The following DNER variants were observed in gnomAD, a reference collection of about 807,000 sequenced individuals.
The protein encoded by DNER is delta/notch like EGF repeat containing.
In DNER, 33 loss-of-function variants were observed where a neutral mutation model predicts 78.2. That is an observed-to-expected ratio of 0.42 (90% CI 0.32 to 0.56). The LOEUF is 0.56. DNER is among the 20% of genes least tolerant of loss of function. DNER has a pLI of 0.11. For missense variants in DNER, 918 were observed against 975.3 expected (o/e 0.94, Z 0.78); for synonymous variants, 417 against 384.8 (o/e 1.08, Z -0.98).
intron 7 of DNER, among the ~76,000 whole-genome samples, chr2:229,453,938 A>G (rs886433976): frequency 1.3e-5 from 2 of 150,564 alleles, no homozygotes; most frequent in Non-Finnish European, 3.0e-5. Context: ...AAAAAAAAAA[A>G]AAAAGAAAGA....
chr2:229,433,159 C>T (rs984721805), intron 8 of DNER, among the ~76,000 whole-genome samples: 8 of 152,136 alleles, frequency 5.3e-5, no homozygotes, highest in Admixed American at 3.9e-4. Flanking sequence ...AGGCTGGTCT[C>T]GAACTCCTGA....
intron 11 of DNER, among the ~76,000 whole-genome samples, chr2:229,387,412 A>C (rs1006053808): frequency 2.0e-5 from 3 of 151,764 alleles, no homozygotes; most frequent in African/African-American, 7.3e-5. Flanking sequence ...CCACCATGGC[A>C]TGTGTATACC....
intron 3 of DNER, among the ~76,000 whole-genome samples, chr2:229,587,595 C>T (rs1248035682): frequency 6.6e-6 from 1 of 152,246 alleles, no homozygotes; most frequent in Admixed American, 6.5e-5. Flanking sequence ...AACCAGGCCA[C>T]GTGTTCCCAG....
chr2:229,368,208 C>T (rs1692395983), intron 11 of DNER, among the ~76,000 whole-genome samples: 1 of 152,014 alleles, frequency 6.6e-6, no homozygotes, highest in African/African-American at 2.4e-5. Context: ...ACAAAAAATA[C>T]AAAAATTAGC....
In DNER at chr2:229,407,291, C is replaced by G; in HGVS notation, c.1664G>C (p.Gly555Ala). The G allele has an allele frequency of 6.2e-7, 1 of 1,613,934 alleles. No individual in the cohort carries two copies. Among genetic ancestry groups the G allele is most frequent in the Non-Finnish European group, 8.5e-7 (1 of 1,179,860 alleles). The change falls in exon 10 of 13, where the codon GGA becomes GCA. Residue 555 changes from glycine (G) to alanine (A), a missense_variant. Physicochemically the swap from Gly to Ala is moderately conservative, Grantham distance 60. Coordinates refer to ENST00000341772, the MANE Select transcript of DNER (RefSeq NM_139072.4). ...CAGGCCGTCGCTGTCACAGGTGGCT[C>G]CGTTCAGACAGCTGACGTTAGCGCA... is the stretch of plus-strand genomic sequence containing the variant. ...DPCANVSCLN[G>A]ATCDSDGLNG... is the part of the protein sequence containing the mutation.
chr2:229,691,618 T>G (rs924987309), intron 1 of DNER, among the ~76,000 whole-genome samples: 1 of 151,914 alleles, frequency 6.6e-6, no homozygotes, highest in African/African-American at 2.4e-5. Flanking sequence ...AGGAACCAAA[T>G]CTTCTCATTA....
At chr2:229,589,999 T>C (rs1284307888) in intron 2 of DNER, among the ~76,000 whole-genome samples, 1 of 151,796 alleles carries the variant, frequency 6.6e-6, no homozygotes, top group African/African-American at 2.4e-5. Flanking sequence ...TAAAGGAAAT[T>C]TCTAGATGCA....
chr2:229,400,134 G>A (rs899058361), intron 10 of DNER, among the ~76,000 whole-genome samples: 8 of 152,048 alleles, frequency 5.3e-5, no homozygotes, highest in African/African-American at 1.9e-4. Context: ...ATGAAAGGCA[G>A]TATTTGGTTG....
chr2:229,360,687 C>T (rs562750266), intron 12 of DNER, among the ~76,000 whole-genome samples: 1 of 152,194 alleles, frequency 6.6e-6, no homozygotes, highest in Non-Finnish European at 1.5e-5. Flanking sequence ...GCTGAGATTA[C>T]AGGCGTGAGC....
intron 10 of DNER, among the ~76,000 whole-genome samples, chr2:229,390,401 C>T (rs1445792956): frequency 6.6e-6 from 1 of 152,248 alleles, no homozygotes; most frequent in East Asian, 1.9e-4. Context: ...CAGGCCTGCT[C>T]CAGTCCAGAG....
intron 4 of DNER, among the ~76,000 whole-genome samples, chr2:229,582,340 C>T (rs1017088835): frequency 2.6e-5 from 4 of 152,092 alleles, no homozygotes; most frequent in South Asian, 2.1e-4. Context: ...AAGCAGCTGG[C>T]GGTGTGGAGG....
chr2:229,390,518 A>G (rs190938216), intron 10 of DNER, among the ~76,000 whole-genome samples: 12 of 152,374 alleles, frequency 7.9e-5, no homozygotes, highest in South Asian at 2.1e-4. Flanking sequence ...GGGAAGCCCA[A>G]GGTCCCTAGA....
At chr2:229,669,698 G>A (rs1699174424) in intron 1 of DNER, among the ~76,000 whole-genome samples, 1 of 152,134 alleles carries the variant, frequency 6.6e-6, no homozygotes, top group South Asian at 2.1e-4. Context: ...GTTCACTCAT[G>A]ATTTGGCTCT....
intron 1 of DNER, among the ~76,000 whole-genome samples, chr2:229,595,302 A>G (rs1315820148): frequency 6.7e-6 from 1 of 149,006 alleles, no homozygotes; most frequent in Non-Finnish European, 1.5e-5. Context: ...TTTTTTTGAG[A>G]TGGAGTTTCA....
intron 4 of DNER, among the ~76,000 whole-genome samples, chr2:229,550,752 C>T (rs543855224): frequency 6.6e-5 from 10 of 151,778 alleles, no homozygotes; most frequent in South Asian, 6.3e-4. Flanking sequence ...TCCAGTCTGG[C>T]GACAGAGCGA....
At chr2:229,600,508 C>T (rs1363738902) in intron 1 of DNER, among the ~76,000 whole-genome samples, 1 of 152,218 alleles carries the variant, frequency 6.6e-6, no homozygotes, top group African/African-American at 2.4e-5. Flanking sequence ...CCCCATGCAA[C>T]TCCCTAATTG....
intron 4 of DNER, among the ~76,000 whole-genome samples, chr2:229,564,154 TCAA>T (rs547794538): frequency 1.6e-4 from 24 of 146,426 alleles, no homozygotes; most frequent in African/African-American, 5.6e-4. Context: ...ACCATCATCA[TCAA>T]CATCATCACC....
chr2:229,616,057 A>T (rs1698156554), intron 1 of DNER, among the ~76,000 whole-genome samples: 1 of 152,244 alleles, frequency 6.6e-6, no homozygotes, highest in Non-Finnish European at 1.5e-5. Context: ...CCAAATAGAT[A>T]CAAGTATATT....
intron 12 of DNER, among the ~76,000 whole-genome samples, chr2:229,365,626 G>A (rs746790730): frequency 1.9e-4 from 29 of 152,318 alleles, no homozygotes; most frequent in Non-Finnish European, 2.2e-4. Flanking sequence ...AGTAGAGACA[G>A]GGTTTCACCA....
Sources: gnomAD v4.1 joint callset for allele counts (sites outside exome capture counted in the v4.1 genomes callset) on GRCh38, gnomAD v4.1.1 for gene constraint, MANE v1.5 for transcripts, NCBI Gene and HGNC (gene_info 2026-07-23, HGNC 2026-07-21) for gene names.